Variants in NMU observed in about 807,000 individuals in gnomAD.
NMU encodes neuromedin U, also known as neuromedin-U.
NMU carries 29 observed loss-of-function variants against 35.4 expected under a neutral mutation model. The observed-to-expected ratio is 0.82, with a 90% CI of 0.61 to 1.12. The LOEUF is 1.12. Ranked by LOEUF, NMU falls within the 50% of genes most tolerant of loss-of-function variation. The pLI is 0.00. For missense variants in NMU, 199 were observed against 206.2 expected, an observed-to-expected ratio of 0.97 and a Z score of 0.21; for synonymous variants, 78 against 81.3, an observed-to-expected ratio of 0.96 and a Z score of 0.22.
chr4:55,609,797 A>G (rs1369256678), intron 3 of NMU, among the ~76,000 whole-genome samples: 1 of 152,202 alleles, frequency 6.6e-6, no homozygotes. Context: ...GGTAAGGAGT[A>G]GAAGAAATGG....
At chr4:55,631,627 C>G (rs1227897793) in intron 1 of NMU, among the ~76,000 whole-genome samples, 2 of 152,110 alleles carry the variant, frequency 1.3e-5, no homozygotes, top group Non-Finnish European at 2.9e-5. Flanking sequence ...ACACCTTACT[C>G]CTGCAAGAAC....
At chr4:55,617,001 A>G (rs949896187) in intron 2 of NMU, among the ~76,000 whole-genome samples, 20 of 152,204 alleles carry the variant, frequency 1.3e-4, no homozygotes, top group Non-Finnish European at 5.9e-5. Context: ...AGAGACTTAT[A>G]TTAATCATAA....
intron 6 of NMU, 36 bp from the exon 7 acceptor site, chr4:55,605,385 T>C (rs1403319169): frequency 6.8e-7 from 1 of 1,461,106 alleles, no homozygotes; most frequent in South Asian, 1.1e-5. Flanking sequence ...AATAAGTGCA[T>C]GGCTTCTCAG....
chr4:55,596,047 A>G (rs536691014), intron 9 of NMU, among the ~76,000 whole-genome samples: 19 of 152,252 alleles, frequency 1.2e-4, no homozygotes, highest in African/African-American at 3.6e-4. Flanking sequence ...TTTAAAAGTG[A>G]TTTCCTAAAG....
In NMU at chr4:55,600,557, AG is replaced by A. The variant is rs1484363759; in HGVS notation, c.453del (p.Phe152LeufsTer29). 1 of 1,610,496 alleles carries A rather than the reference AG, an allele frequency of 6.2e-7. No homozygotes were observed. The highest frequency in any genetic ancestry group is 1.7e-5 in the Admixed American group (1 of 59,960). ...RFRVDEEFQS[P>X]FASQSRGYFL... Reference sequence around the variant, plus strand: ...AAATATCCTCGACTTTGACTTGCAAAGGGACTTTGGAATTCTTCCTAGAAGA... The same window carrying A: ...AAATATCCTCGACTTTGACTTGCAAAGGACTTTGGAATTCTTCCTAGAAGA... On this transcript the variant is annotated frameshift_variant, in exon 8 of 10. Transcript: ENST00000264218. LOFTEE classifies it high-confidence loss of function.
chr4:55,608,205 A>G (rs1733782019), intron 4 of NMU, among the ~76,000 whole-genome samples: 1 of 150,334 alleles, frequency 6.7e-6, no homozygotes, highest in African/African-American at 2.4e-5. Flanking sequence ...TTTAAATCTT[A>G]TAATTCCTTT....
chr4:55,625,632 A>G (rs574077128), intron 2 of NMU, among the ~76,000 whole-genome samples: 4 of 152,062 alleles, frequency 2.6e-5, no homozygotes, highest in Non-Finnish European at 5.9e-5. Flanking sequence ...GCCTTGCTTT[A>G]CTTATTTATT....
intron 7 of NMU, among the ~76,000 whole-genome samples, chr4:55,603,841 G>A (rs1252220048): frequency 6.7e-6 from 1 of 148,486 alleles, no homozygotes; most frequent in Non-Finnish European, 1.5e-5. Flanking sequence ...GAACCCGGGG[G>A]GCGGAGCTTG....
chr4:55,626,991 C>T (rs1734557903), intron 2 of NMU, among the ~76,000 whole-genome samples: 1 of 152,148 alleles, frequency 6.6e-6, no homozygotes, highest in South Asian at 2.1e-4. Flanking sequence ...GGCATTCATC[C>T]ACCAACTCCC....
At chr4:55,602,296 T>A (rs1478355017) in intron 7 of NMU, among the ~76,000 whole-genome samples, 1 of 152,236 alleles carries the variant, frequency 6.6e-6, no homozygotes, top group African/African-American at 2.4e-5. Context: ...AATATTTCAC[T>A]ATCAAAGATA....
At chr4:55,614,788 C>T (rs183166783) in intron 3 of NMU, among the ~76,000 whole-genome samples, 7 of 152,124 alleles carry the variant, frequency 4.6e-5, no homozygotes, top group Non-Finnish European at 1.0e-4. Context: ...TGAGGATGTT[C>T]CTGAATTTTA....
intron 1 of NMU, among the ~76,000 whole-genome samples, chr4:55,633,217 C>T (rs56710169): frequency 1.3e-5 from 2 of 151,210 alleles, no homozygotes; most frequent in African/African-American, 4.9e-5. Flanking sequence ...CCCAGCTATT[C>T]GGGAGGCTGA....
intron 2 of NMU, among the ~76,000 whole-genome samples, chr4:55,628,777 C>CA (rs1453886086): frequency 6.6e-6 from 1 of 152,076 alleles, no homozygotes; most frequent in Non-Finnish European, 1.5e-5. Context: ...TGTGAGCCAC[C>CA]ACACCCGGCC....
At chr4:55,615,389 G>A (rs1361559343) in intron 3 of NMU, among the ~76,000 whole-genome samples, 1 of 152,148 alleles carries the variant, frequency 6.6e-6, no homozygotes, top group Non-Finnish European at 1.5e-5. Flanking sequence ...AATCTGACTG[G>A]TGGAAAGCTC....
intron 1 of NMU, among the ~76,000 whole-genome samples, chr4:55,632,471 C>G (rs1325350862): frequency 6.6e-6 from 1 of 151,936 alleles, no homozygotes; most frequent in Non-Finnish European, 1.5e-5. Context: ...TATTTCAGAA[C>G]CTGACAGAAT....
chr4:55,616,294 C>T (rs762760675), intron 3 of NMU, 44 bp downstream of exon 3: 32 of 1,469,968 alleles, frequency 2.2e-5, no homozygotes, highest in Non-Finnish European at 2.9e-5. Context: ...TTAAGCACTA[C>T]ACAAACACCT....
At chr4:55,629,615 C>CAAA (rs10581873) in intron 2 of NMU, among the ~76,000 whole-genome samples, 6 of 88,802 alleles carry the variant, frequency 6.8e-5, no homozygotes. Flanking sequence ...GACCATGTCT[C>CAAA]AAAAAAAAAA....
At chr4:55,609,061 A>G in intron 4 of NMU, 59 bp downstream of exon 4, 1 of 1,414,550 alleles carries the variant, frequency 7.1e-7, no homozygotes. Flanking sequence ...TTCCAGGAGA[A>G]ATTCCAAGAA....
At chr4:55,613,586 A>G (rs1461434234) in intron 3 of NMU, among the ~76,000 whole-genome samples, 12 of 152,198 alleles carry the variant, frequency 7.9e-5, no homozygotes, top group Non-Finnish European at 1.5e-4. Context: ...ATTAGTTATA[A>G]TAATATCCCC....
Sources: allele counts gnomAD v4.1 joint callset (sites outside exome capture counted in the v4.1 genomes callset), GRCh38; gene constraint gnomAD v4.1.1; transcripts MANE v1.5; gene names NCBI Gene and HGNC (gene_info 2026-07-23, HGNC 2026-07-21).